Variants in NDUFAF6 observed in about 807,000 individuals in gnomAD.
NDUFAF6 encodes NADH:ubiquinone oxidoreductase complex assembly factor 6.
NDUFAF6 carries 45 observed loss-of-function variants against 40.8 expected under a neutral mutation model. The observed-to-expected ratio is 1.10, with a 90% CI of 0.87 to 1.42. The LOEUF is 1.42. Among genes scored for constraint, NDUFAF6 ranks in the 40% most tolerant of loss-of-function variants. NDUFAF6 has a pLI of 0.00. For synonymous variants in NDUFAF6, 185 were observed against 155.9 expected, an observed-to-expected ratio of 1.19 and a Z score of -1.39; for missense variants, 435 against 418.5, an observed-to-expected ratio of 1.04 and a Z score of -0.34.
chr8:94,965,561 G>A (rs1480746571), intron 1 of NDUFAF6, among the ~76,000 whole-genome samples: 1 of 152,240 alleles, frequency 6.6e-6, no homozygotes, highest in Non-Finnish European at 1.5e-5. Flanking sequence ...GTTGGCCATA[G>A]GAATAAGCCA....
intron 1 of NDUFAF6, among the ~76,000 whole-genome samples, chr8:94,905,637 A>C (rs957386450): frequency 6.6e-6 from 1 of 152,106 alleles, no homozygotes; most frequent in Non-Finnish European, 1.5e-5. Context: ...TGGAAGCTGC[A>C]CTTCCCAAAG....
rs768206391 is a variant in NDUFAF6 at position 95,035,535 on chromosome 8, G to A, written c.379G>A (p.Asp127Asn). 83 of 1,612,224 alleles carry A rather than the reference G, an allele frequency of 5.1e-5. No individual in the cohort carries two copies. Among genetic ancestry groups the A allele is most frequent in the Non-Finnish European group, 6.3e-5 (74 of 1,179,550 alleles). ...AAAAACTGTGGAAGATATATACTGT[G>A]ACAATCCACCACATCAGCCTGTGGC... ...WKKTVEDIYC[D>N]NPPHQPVAIE... The change falls in exon 3 of 9, where the codon GAC becomes AAC. Residue 127 changes from aspartate to asparagine, a missense_variant. Physicochemically the swap from Asp to Asn is conservative, Grantham distance 23. Coordinates refer to ENST00000396124, the MANE Select transcript of NDUFAF6 (RefSeq NM_152416.4).
intron 2 of NDUFAF6, among the ~76,000 whole-genome samples, chr8:94,981,501 TCTTA>T (rs1384425774): frequency 7.2e-5 from 11 of 152,252 alleles, no homozygotes; most frequent in African/African-American, 2.7e-4. Flanking sequence ...GCTATAGCCA[TCTTA>T]CTTCCATGTG....
intron 1 of NDUFAF6, among the ~76,000 whole-genome samples, chr8:94,945,299 CAA>C (rs1821893038): frequency 6.6e-6 from 1 of 152,130 alleles, no homozygotes; most frequent in South Asian, 2.1e-4. Flanking sequence ...GAGTGTATTT[CAA>C]AGACTTAGTA....
At chr8:94,961,106 A>T (rs985528794) in intron 1 of NDUFAF6, among the ~76,000 whole-genome samples, 1 of 152,250 alleles carries the variant, frequency 6.6e-6, no homozygotes, top group Non-Finnish European at 1.5e-5. Context: ...GACGAACAAT[A>T]CAGAGAAGCA....
At chr8:94,980,692 C>T (rs1246871912) in intron 1 of NDUFAF6, among the ~76,000 whole-genome samples, 1 of 99,084 alleles carries the variant, frequency 1.0e-5, no homozygotes, top group African/African-American at 4.1e-5. Context: ...CTCAGGTGAT[C>T]AGCATGCCTT....
chr8:94,944,117 A>G (rs1821790463), intron 1 of NDUFAF6, among the ~76,000 whole-genome samples: 1 of 152,232 alleles, frequency 6.6e-6, no homozygotes, highest in Non-Finnish European at 1.5e-5. Context: ...CCCACGTACA[A>G]TTCTGTGTCT....
At chr8:95,016,474 G>A (rs1827452325) in intron 2 of NDUFAF6, among the ~76,000 whole-genome samples, 1 of 152,224 alleles carries the variant, frequency 6.6e-6, no homozygotes, top group Non-Finnish European at 1.5e-5. Flanking sequence ...GCCGAGCGTG[G>A]TGGCTCACGC....
intron 1 of NDUFAF6, among the ~76,000 whole-genome samples, chr8:94,978,284 C>A (rs931842814): frequency 6.6e-6 from 1 of 152,182 alleles, no homozygotes; most frequent in African/African-American, 2.4e-5. Context: ...GCTCATAGAG[C>A]TTCTAGGTTG....
At chr8:95,094,391 CTTTTCTTTCTTTTTT>C (rs1809373369) in intron 2 of NDUFAF6, among the ~76,000 whole-genome samples, 4 of 18,322 alleles carry the variant, frequency 2.2e-4, no homozygotes, top group African/African-American at 6.2e-4. Context: ...TCTTTCTTTT[CTTTTCTTTCTTTTTT>C]TTTTTTTTGG....
downstream of NDUFAF6, among the ~76,000 whole-genome samples, chr8:95,103,746 T>C (rs1809729100): frequency 6.6e-6 from 1 of 152,198 alleles, no homozygotes; most frequent in Non-Finnish European, 1.5e-5. Context: ...CATGCATGGT[T>C]CTTTTGTCTG....
chr8:94,906,081 G>A (rs1818373074), intron 1 of NDUFAF6, among the ~76,000 whole-genome samples: 1 of 152,124 alleles, frequency 6.6e-6, no homozygotes, highest in Non-Finnish European at 1.5e-5. Flanking sequence ...ACACGTGCAC[G>A]TGAACACCTA....
Position 95,052,206 on chromosome 8 carries a change from A to C in NDUFAF6, c.849A>C (p.Lys283Asn), listed in dbSNP as rs762140299. 2.5e-5 allele frequency: 40 copies of C among 1,614,056 alleles called. No individual in the cohort carries two copies. Among genetic ancestry groups the C allele is most frequent in the Non-Finnish European group, 3.1e-5 (36 of 1,180,014 alleles). Residue 283 changes from lysine (K) to asparagine (N), a missense_variant, in exon 8 of 9, where the codon AAA becomes AAC. Physicochemically the swap from Lys to Asn is moderately conservative, Grantham distance 94. Transcript: ENST00000396124. ...CCTTTCACAAAACTGTTCCTGTGAA[A>C]GCATTTCCTGCTTTTCTTCAGACGG... The part of the protein sequence containing the change: ...ARSFHKTVPV[K>N]AFPAFLQTVS...
intron 1 of NDUFAF6, among the ~76,000 whole-genome samples, chr8:94,899,624 T>G (rs1817885444): frequency 1.3e-5 from 2 of 152,254 alleles, no homozygotes; most frequent in African/African-American, 4.8e-5. Flanking sequence ...CCAGCTCACC[T>G]GTGCTGTGCT....
chr8:95,094,569 T>C (rs1442122902), intron 2 of NDUFAF6, among the ~76,000 whole-genome samples: 1 of 151,320 alleles, frequency 6.6e-6, no homozygotes, highest in African/African-American at 2.4e-5. Flanking sequence ...CCTGCCACCA[T>C]GCCTGGCTAA....
At chr8:94,978,360 T>G (rs1825141864) in intron 1 of NDUFAF6, among the ~76,000 whole-genome samples, 1 of 152,210 alleles carries the variant, frequency 6.6e-6, no homozygotes, top group Non-Finnish European at 1.5e-5. Flanking sequence ...ACTTTTGGAC[T>G]CACTCTATGT....
At chr8:94,997,341 C>CAGAG (rs1469014187) in intron 2 of NDUFAF6, among the ~76,000 whole-genome samples, 1,013 of 91,804 alleles carry the variant, frequency 0.011, 5 homozygotes, top group African/African-American at 0.024. Flanking sequence ...CACACACACA[C>CAGAG]ACAGAGAGAG....
chr8:94,976,782 G>A (rs1420566616), intron 1 of NDUFAF6, among the ~76,000 whole-genome samples: 2 of 152,138 alleles, frequency 1.3e-5, no homozygotes, highest in African/African-American at 2.4e-5. Context: ...TTTCAGATTT[G>A]CAAGGTGAAG....
intron 1 of NDUFAF6, among the ~76,000 whole-genome samples, chr8:94,914,103 C>CTTTT (rs563687562): frequency 1.8e-4 from 18 of 98,188 alleles, no homozygotes; most frequent in African/African-American, 2.4e-4. Context: ...GACCTTATCT[C>CTTTT]TTTTTTTTTT....
Sources: allele counts gnomAD v4.1 joint callset (sites outside exome capture counted in the v4.1 genomes callset), GRCh38; gene constraint gnomAD v4.1.1; transcripts MANE v1.5; gene names NCBI Gene and HGNC (gene_info 2026-07-23, HGNC 2026-07-21).